The following CPNE1 variants were observed in gnomAD, a reference collection of about 807,000 sequenced individuals.
CPNE1 encodes the protein copine-1.
A neutral mutation model predicts 63.2 loss-of-function variants in CPNE1; 58 were observed. The observed-to-expected ratio is 0.92, with a 90% confidence interval of 0.74 to 1.14. The LOEUF is 1.14. Ranked by LOEUF, CPNE1 falls within the 50% of genes most tolerant of loss-of-function variation. The pLI, the probability that CPNE1 is intolerant of heterozygous loss-of-function variation, is 0.00. For synonymous variants in CPNE1, 237 were observed against 249.0 expected (o/e 0.95, Z 0.45); for missense variants, 672 against 661.7 (o/e 1.02, Z -0.17).
At chr20:35,642,011 T>C (rs565220189) in intron 1 of CPNE1, among the ~76,000 whole-genome samples, 1 of 152,204 alleles carries the variant, frequency 6.6e-6, no homozygotes, top group Non-Finnish European at 1.5e-5. Flanking sequence ...CAAAAAGTCA[T>C]GGCTTCCTTC....
chr20:35,654,753 A>AATTGGTGGC, intron 1 of CPNE1: 1 of 1,613,722 alleles, frequency 6.2e-7, no homozygotes, highest in Admixed American at 1.7e-5. Flanking sequence ...GAATTGGAGG[A>AATTGGTGGC]ATTGGTGGCG....
At chr20:35,653,707 A>G (rs1468666446) in intron 1 of CPNE1, 2 of 1,614,208 alleles carry the variant, frequency 1.2e-6, no homozygotes, top group Non-Finnish European at 1.7e-6. Flanking sequence ...GGCAGAGTTG[A>G]CATCCCCCTC....
intron 1 of CPNE1, chr20:35,650,244 AATTT>A (rs1431563617): frequency 4.6e-5 from 7 of 152,286 alleles, no homozygotes; most frequent in Non-Finnish European, 5.9e-5. Context: ...CCGCTCTTTT[AATTT>A]ATTTAATTAG....
chr20:35,644,844 G>A (rs558675261), intron 1 of CPNE1, among the ~76,000 whole-genome samples: 3 of 152,238 alleles, frequency 2.0e-5, no homozygotes, highest in African/African-American at 7.2e-5. Context: ...GGAAATCCTG[G>A]ACTCCACATT....
intron 1 of CPNE1, chr20:35,653,027 C>T: frequency 6.2e-7 from 1 of 1,613,868 alleles, no homozygotes; most frequent in Non-Finnish European, 8.5e-7. Flanking sequence ...ACATCCAGTC[C>T]TAGACCAGGC....
rs1480743469 is a variant in CPNE1 at position 35,627,350 on chromosome 20, G to T, written c.1166C>A (p.Thr389Asn). The T allele has an allele frequency of 6.2e-7, 1 of 1,614,156 alleles. No homozygotes were observed. Among genetic ancestry groups the T allele is most frequent in the Admixed American group, 1.7e-5 (1 of 60,024 alleles). Residue 389 changes from threonine (T) to asparagine (N), a missense_variant, in exon 14 of 16, where the codon ACC becomes AAC. Physicochemically the swap from Thr to Asn is moderately conservative, Grantham distance 65. Transcript: ENST00000397443. ...ATGGTTGATGATGGGTGCAAAGTTG[G>T]TAGGGCCATAGAGGCGAACTTGGGG... ...ALPQVRLYGPTNFAPIINHVA... is the reference protein window; with the variant it reads ...ALPQVRLYGPNNFAPIINHVA...
intron 13 of CPNE1, among the ~76,000 whole-genome samples, chr20:35,629,312 G>C (rs2031969152): frequency 6.6e-6 from 1 of 152,160 alleles, no homozygotes; most frequent in Non-Finnish European, 1.5e-5. Flanking sequence ...ACCCAGATCA[G>C]ATCAGGTCAG....
chr20:35,661,556 T>C (rs1396754664), intron 1 of CPNE1, among the ~76,000 whole-genome samples: 1 of 152,232 alleles, frequency 6.6e-6, no homozygotes, highest in Non-Finnish European at 1.5e-5. Flanking sequence ...CTTTAGTATG[T>C]TTTCCATTCA....
chr20:35,634,665 T>C (rs2032381524), intron 1 of CPNE1, among the ~76,000 whole-genome samples: 1 of 152,150 alleles, frequency 6.6e-6, no homozygotes, highest in African/African-American at 2.4e-5. Flanking sequence ...TCCAGATTTC[T>C]TTAACCTGAT....
At chr20:35,647,897 G>GAAAA (rs11481740) in intron 1 of CPNE1, among the ~76,000 whole-genome samples, 17 of 98,742 alleles carry the variant, frequency 1.7e-4, no homozygotes, top group African/African-American at 4.9e-4. Flanking sequence ...TACTAAAAAT[G>GAAAA]AAAAAAAAAA....
intron 1 of CPNE1, among the ~76,000 whole-genome samples, chr20:35,646,390 CTTTTTTT>C (rs559754204): frequency 2.4e-5 from 3 of 122,592 alleles, no homozygotes; most frequent in Admixed American, 8.3e-5. Context: ...AGTGACAAGG[CTTTTTTT>C]TTTTTTTTTT....
intron 1 of CPNE1, among the ~76,000 whole-genome samples, chr20:35,640,374 T>C (rs2032733667): frequency 6.6e-6 from 1 of 152,206 alleles, no homozygotes; most frequent in African/African-American, 2.4e-5. Flanking sequence ...GCCATTATAA[T>C]TAACGCCATG....
At chr20:35,654,855 T>C (rs1190047970) in intron 1 of CPNE1, 4 of 1,614,080 alleles carry the variant, frequency 2.5e-6, no homozygotes, top group Non-Finnish European at 2.5e-6. Flanking sequence ...GAGGAGCTGT[T>C]CCTACGCTGG....
At position 35,631,497 on chromosome 20, in the gene CPNE1, C is replaced by A; in HGVS notation, c.709G>T (p.Val237Phe). The stretch of plus-strand genomic sequence containing the variant: ...CTGGCAAGACCAGCACTCACCGGGA[C>A]TGCCTGCAGCTGGGCCAAGCTGGTG... ...FHTSLAQLQAVPAEFECIHPE... is the reference protein window; with the variant it reads ...FHTSLAQLQAFPAEFECIHPE... The change falls in exon 8 of 16, where the codon GTC (valine) becomes TTC (phenylalanine). Residue 237 changes from valine (V) to phenylalanine (F), a missense_variant. By Grantham distance (50) the Val-to-Phe change is conservative (BLOSUM62 -1). Transcript: ENST00000397443. The A allele has an allele frequency of 6.2e-7, 1 of 1,613,904 alleles. No individual in the cohort carries two copies. The highest frequency in any genetic ancestry group is 1.1e-5 in the South Asian group (1 of 91,072).
intron 14 of CPNE1, 82 bp downstream of exon 14, chr20:35,627,187 CAAAAAAAAAAA>C (rs746796889): frequency 0.026 from 14,149 of 536,768 alleles, 285 homozygotes; most frequent in Non-Finnish European, 0.031. Flanking sequence ...GAGTCCATCT[CAAAAAAAAAAA>C]AAAAAAAAAA....
chr20:35,658,855 A>G (rs2034068030), intron 1 of CPNE1: 13 of 697,214 alleles, frequency 1.9e-5, no homozygotes, highest in Non-Finnish European at 1.1e-5. Flanking sequence ...GTTGCTACAT[A>G]TATTTTCATA....
intron 1 of CPNE1, among the ~76,000 whole-genome samples, chr20:35,640,427 T>A (rs1118233): frequency 0.1 from 15,506 of 152,182 alleles, 822 homozygotes; most frequent in South Asian, 0.14. Flanking sequence ...TCCAGAACCA[T>A]ATTAAATATC....
At chr20:35,628,003 C>T (rs2031869695) in intron 13 of CPNE1, among the ~76,000 whole-genome samples, 1 of 151,906 alleles carries the variant, frequency 6.6e-6, no homozygotes, top group Non-Finnish European at 1.5e-5. Context: ...AAACTAAGGC[C>T]GGGCGCAGTG....
At position 35,627,187 on chromosome 20, in the gene CPNE1, C is replaced by CAAAAAAA. The variant is rs746796889; in HGVS notation, c.1236+86_1236+92dup. The CAAAAAAA allele has an allele frequency of 3.5e-3, 1,882 of 536,306 alleles. 115 individuals are homozygous for CAAAAAAA. In the African/African-American group the frequency reaches 0.051, roughly 15 times the overall value. The allele number at this position is 536,306 out of a possible 1,614,324, so 33.2% of individuals were successfully genotyped here. ...TGGGTGACAGAGCAAGAGTCCATCTCAAAAAAAAAAAAAAAAAAAAAAGTC... is the reference window on the plus strand; with the variant it reads ...TGGGTGACAGAGCAAGAGTCCATCTCAAAAAAAAAAAAAAAAAAAAAAAAAAAAAGTC... On this transcript the variant is annotated intron_variant, in intron 14 of 15. Transcript: ENST00000397443.
Sources: allele counts gnomAD v4.1 joint callset (sites outside exome capture counted in the v4.1 genomes callset), GRCh38; gene constraint gnomAD v4.1.1; transcripts MANE v1.5; gene names NCBI Gene and HGNC (gene_info 2026-07-23, HGNC 2026-07-21).